The following PLEKHG1 variants were observed in gnomAD, a reference collection of about 807,000 sequenced individuals.
PLEKHG1 encodes pleckstrin homology and RhoGEF domain containing G1.
Under a neutral mutation model 100.8 loss-of-function variants are expected in PLEKHG1, and 44 were observed. That is an observed-to-expected ratio of 0.44 (90% CI 0.34 to 0.56). The LOEUF (loss-of-function observed/expected upper bound fraction) is 0.56, where lower values mean the gene tolerates loss of function less well. PLEKHG1 is among the 20% of genes least tolerant of loss of function. The pLI is 0.01. For missense variants in PLEKHG1, 1,545 were observed against 1,720.9 expected (o/e 0.90, Z 1.81); for synonymous variants, 640 against 662.5 (o/e 0.97, Z 0.52).
In PLEKHG1 at chr6:150,607,816, A is replaced by G. The variant is rs550633650; in HGVS notation, c.-204+7799A>G. Among the ~76,000 whole-genome samples the G allele has an allele frequency of 8.7e-4, 132 of 152,300 alleles. 1 individual carries two copies. The highest frequency in any genetic ancestry group is 2.9e-3 in the African/African-American group (121 of 41,560). ...GGGTAATGAGATGGTCAGGGAGCAG[A>G]TGGGAAATGGGTGCATGGATGGGCT... On this transcript the variant is annotated intron_variant, in intron 1 of 3. Transcript: ENST00000367326.
At chr6:150,715,931 A>T (rs1781413877) in intron 3 of PLEKHG1, among the ~76,000 whole-genome samples, 1 of 147,586 alleles carries the variant, frequency 6.8e-6, no homozygotes, top group Admixed American at 6.7e-5. Flanking sequence ...ACACGGTGAA[A>T]CCCCGTCTCT....
chr6:150,830,827 C>G (rs1190615672), exon 15 of PLEKHG1: 1 of 1,614,198 alleles, frequency 6.2e-7, no homozygotes, highest in East Asian at 2.2e-5. Context: ...CAGATCTGAA[C>G]TCTACCAGAC....
rs757183951 is a variant in PLEKHG1, at chr6:150,831,787, C to T, written c.2676C>T (p.Ser892=). Residue 892 remains serine (S), a synonymous_variant, in exon 15 of 16, where the codon TCC becomes TCT. Transcript: ENST00000358517. This position sits in a 1 kb window ranked among gnomAD's most constrained non-coding sequence, Gnocchi z 4.1. ...TGGGGCGCTCTGTGTCCACGCTGTC[C>T]CTGCCTGAGAGCCAGGCTCTCCTCA... The T allele has an allele frequency of 6.2e-6, 10 of 1,613,110 alleles. No homozygotes were observed. Among genetic ancestry groups the T allele is most frequent in the Non-Finnish European group, 8.5e-6 (10 of 1,179,554 alleles).
intron 2 of PLEKHG1, among the ~76,000 whole-genome samples, chr6:150,642,914 A>G (rs1056258107): frequency 6.6e-6 from 1 of 152,006 alleles, no homozygotes; most frequent in Admixed American, 6.6e-5. Context: ...CTGTAATAGT[A>G]GCGGTACTTA....
chr6:150,695,947 A>G (rs1440726968), intron 3 of PLEKHG1, among the ~76,000 whole-genome samples: 5 of 152,220 alleles, frequency 3.3e-5, no homozygotes, highest in Non-Finnish European at 2.9e-5. Flanking sequence ...AGGAAAATAT[A>G]AAAATAATTC....
chr6:150,831,274 C>T lies in PLEKHG1; in HGVS notation c.2163C>T (p.Leu721=). Residue 721 remains leucine (L), a synonymous_variant, in exon 15 of 16, where the codon CTC becomes CTT. Coordinates refer to ENST00000358517, the Ensembl canonical transcript of PLEKHG1. This position sits in a 1 kb window ranked among gnomAD's most constrained non-coding sequence, Gnocchi z 4.1. ...TTTACGCACAAACAGATGGCACCCT[C>T]TCAGGTGGAGAGGCATCCAGCCAAA... is the stretch of plus-strand genomic sequence containing the variant. 6.2e-7 allele frequency: 1 copy of T among 1,614,172 alleles called. No homozygotes were observed. Among genetic ancestry groups the T allele is most frequent in the Non-Finnish European group, 8.5e-7 (1 of 1,180,026 alleles).
intron 1 of PLEKHG1, among the ~76,000 whole-genome samples, chr6:150,611,884 TAGTG>T (rs1447916219): frequency 4.5e-4 from 69 of 151,716 alleles, no homozygotes; most frequent in African/African-American, 1.6e-3. Context: ...TCTGCTCAAA[TAGTG>T]AGGCTCTATT....
At chr6:150,666,875 C>T (rs1779408590) in intron 3 of PLEKHG1, among the ~76,000 whole-genome samples, 1 of 152,042 alleles carries the variant, frequency 6.6e-6, no homozygotes, top group East Asian at 1.9e-4. Context: ...ATTCTCCTGC[C>T]TCAGCCTCCC....
intron 2 of PLEKHG1, among the ~76,000 whole-genome samples, chr6:150,761,106 T>C (rs1052053867): frequency 2.1e-4 from 30 of 141,170 alleles, no homozygotes; most frequent in South Asian, 4.7e-4. Context: ...TTTCTTTTTT[T>C]TTTTTTTTTT....
At chr6:150,840,489 G>T (rs772559837) in exon 16 of PLEKHG1, 1 of 1,614,056 alleles carries the variant, frequency 6.2e-7, no homozygotes, top group Admixed American at 1.7e-5. Flanking sequence ...AGTTGTGGTG[G>T]TCAATAGAAA....
intron 3 of PLEKHG1, among the ~76,000 whole-genome samples, chr6:150,779,352 T>TTTTTTTTTTG (rs1345881855): frequency 6.9e-6 from 1 of 145,058 alleles, no homozygotes; most frequent in African/African-American, 2.7e-5. Flanking sequence ...AAGTTTTTTT[T>TTTTTTTTTTG]TTTTTTTTTT....
intron 6 of PLEKHG1, among the ~76,000 whole-genome samples, chr6:150,803,913 C>G (rs571273973): frequency 6.6e-6 from 1 of 151,808 alleles, no homozygotes; most frequent in South Asian, 2.1e-4. Context: ...ATAACATTGG[C>G]CACCAGGAAG....
At chr6:150,818,106 A>T in intron 10 of PLEKHG1, 77 bp from the exon 12 acceptor site, 1 of 1,063,710 alleles carries the variant, frequency 9.4e-7, no homozygotes, top group Non-Finnish European at 1.4e-6. Context: ...TTCAGGTGGG[A>T]TAAGATCTGT....
At chr6:150,830,453 T>C (rs1776852484) in intron 14 of PLEKHG1, 129 bp from the exon 16 acceptor site, 13 of 674,298 alleles carry the variant, frequency 1.9e-5, no homozygotes, top group Non-Finnish European at 2.9e-5. Context: ...CAAGACCCTA[T>C]CTCAGAAAAA....
chr6:150,783,374 T>TC (rs1314965171), intron 3 of PLEKHG1, among the ~76,000 whole-genome samples: 10 of 140,504 alleles, frequency 7.1e-5, no homozygotes, highest in Admixed American at 3.5e-4. Flanking sequence ...AGATTCTTCT[T>TC]TTTTTTTTTT....
intron 10 of PLEKHG1, 119 bp from the exon 12 acceptor site, chr6:150,818,064 C>T (rs1220978509): frequency 1.5e-5 from 12 of 807,966 alleles, no homozygotes; most frequent in African/African-American, 3.4e-5. Flanking sequence ...ACATAAATAG[C>T]GAGTTTTTAA....
chr6:150,721,227 A>T (rs549312715), intron 1 of PLEKHG1: 1 of 954,880 alleles, frequency 1.0e-6, no homozygotes, highest in African/African-American at 1.8e-5. Flanking sequence ...GTGTCCCCAA[A>T]GAAAGGATGC....
At chr6:150,601,029 G>C (rs1384433648) in intron 1 of PLEKHG1, 2 of 152,382 alleles carry the variant, frequency 1.3e-5, no homozygotes, top group Middle Eastern at 3.4e-3. Context: ...CTCAGACTGA[G>C]AGTTGGTTTA....
rs945791439 is a variant in PLEKHG1, at chr6:150,646,097, A to G, written c.-157-4631A>G. On this transcript the variant is annotated intron_variant, in intron 2 of 3. Coordinates refer to the PLEKHG1 transcript ENST00000367326. ...AAATGACACGGGTATATCTCACACA[A>G]TATTGAATGGGAGAAAGCAAGTTAC... Among the ~76,000 whole-genome samples, 20 of 152,208 alleles carry G rather than the reference A, an allele frequency of 1.3e-4. 1 individual carries two copies. Among genetic ancestry groups the G allele is most frequent in the Admixed American group, 1.2e-3 (18 of 15,288 alleles).
Sources: allele counts gnomAD v4.1 joint callset (sites outside exome capture counted in the v4.1 genomes callset), GRCh38; gene constraint gnomAD v4.1.1; non-coding constraint Gnocchi (gnomAD v3.1); transcripts MANE v1.5; gene names NCBI Gene and HGNC (gene_info 2026-07-23, HGNC 2026-07-21).